KALRN: variants seen among roughly 807,000 people sequenced by gnomAD.
KALRN encodes kalirin RhoGEF kinase, also known as kalirin.
KALRN carries 70 observed loss-of-function variants against 353.7 expected under a neutral mutation model. The observed-to-expected ratio is 0.20, with a 90% CI of 0.16 to 0.24. The LOEUF (loss-of-function observed/expected upper bound fraction) is 0.24, where lower values mean the gene tolerates loss of function less well. KALRN is among the 10% of genes least tolerant of loss of function. The probability of loss-of-function intolerance (pLI) is 1.00; values close to 1 mark genes in which losing one functional copy is unlikely to be tolerated. For synonymous variants in KALRN, 1,391 were observed against 1,434.8 expected, an observed-to-expected ratio of 0.97 and a Z score of 0.69; for missense variants, 2,791 against 3,756.7, an observed-to-expected ratio of 0.74 and a Z score of 6.72.
rs2061825793 is a variant in KALRN at position 124,101,085 on chromosome 3, A to G, written c.73+67272A>G. On this transcript the variant is annotated intron_variant, in intron 1 of 59. Coordinates refer to ENST00000682506, the MANE Select transcript of KALRN (RefSeq NM_001388419.1). ...AAGGAACAAACTGTGTAAGAACGCA[A>G]TCTTTTGGATACACCTCATGCAACT... Among the ~76,000 whole-genome samples, 3 of 152,338 alleles carry G rather than the reference A, an allele frequency of 2.0e-5. No homozygotes were observed. The South Asian group carries it at 6.2e-4, about 32-fold the overall frequency.
intron 33 of KALRN, among the ~76,000 whole-genome samples, chr3:124,547,874 T>C (rs1185322585): frequency 6.6e-6 from 1 of 151,740 alleles, no homozygotes; most frequent in East Asian, 1.9e-4. Flanking sequence ...ACCATCTCCA[T>C]AGCTAAGAGC....
chr3:124,549,495 G>A (rs1160333969), intron 33 of KALRN, among the ~76,000 whole-genome samples: 2 of 151,804 alleles, frequency 1.3e-5, no homozygotes, highest in African/African-American at 4.8e-5. Context: ...CATAAAATAG[G>A]AGAAAAGTGA....
At chr3:124,421,252 T>C (rs1375785257) in intron 14 of KALRN, among the ~76,000 whole-genome samples, 3 of 152,132 alleles carry the variant, frequency 2.0e-5, no homozygotes, top group African/African-American at 7.2e-5. Context: ...ATAAGAAATA[T>C]GTAGACAATC....
intron 1 of KALRN, among the ~76,000 whole-genome samples, chr3:124,062,148 T>A (rs1186502961): frequency 6.6e-6 from 1 of 152,234 alleles, no homozygotes; most frequent in African/African-American, 2.4e-5. Context: ...TTATTTCCTT[T>A]ACTACTTCTA....
At chr3:124,607,577 A>G (rs1370449012) in intron 34 of KALRN, among the ~76,000 whole-genome samples, 2 of 152,240 alleles carry the variant, frequency 1.3e-5, no homozygotes, top group South Asian at 2.1e-4. Flanking sequence ...TTTGGAAGAC[A>G]TAGGAGAAAA....
At chr3:124,158,148 G>A (rs2069301482) in intron 1 of KALRN, among the ~76,000 whole-genome samples, 2 of 152,150 alleles carry the variant, frequency 1.3e-5, no homozygotes, top group South Asian at 2.1e-4. Flanking sequence ...TGCCTGCTTT[G>A]TGTCACCTCC....
intron 33 of KALRN, among the ~76,000 whole-genome samples, chr3:124,555,028 A>T (rs938733469): frequency 2.0e-5 from 3 of 152,150 alleles, no homozygotes; most frequent in Admixed American, 6.5e-5. Context: ...ATTTTTCAGG[A>T]AAGTGCGCAT....
At chr3:124,584,653 G>A in intron 34 of KALRN, 1 of 1,412,218 alleles carries the variant, frequency 7.1e-7, no homozygotes, top group South Asian at 1.5e-5. Flanking sequence ...GCTTCCCAAG[G>A]TGGCAGTGGC....
chr3:124,494,859 C>T (rs1221382530), intron 32 of KALRN, among the ~76,000 whole-genome samples: 2 of 152,160 alleles, frequency 1.3e-5, no homozygotes, highest in Non-Finnish European at 2.9e-5. Flanking sequence ...GTTTCCCTGT[C>T]CCCTGATGCC....
chr3:124,713,687 C>T (rs1433780452), intron 58 of KALRN, among the ~76,000 whole-genome samples: 2 of 152,186 alleles, frequency 1.3e-5, no homozygotes, highest in African/African-American at 4.8e-5. Flanking sequence ...CCTTTCTCCC[C>T]ACCACTACCC....
intron 3 of KALRN, among the ~76,000 whole-genome samples, chr3:124,256,918 T>G (rs746408457): frequency 6.6e-6 from 1 of 152,164 alleles, no homozygotes; most frequent in East Asian, 1.9e-4. Context: ...GCAGCAATAC[T>G]GGGGAGGGAA....
chr3:124,059,844 G>T lies in KALRN; in HGVS notation c.73+26031G>T, dbSNP rs2041855970. Among the ~76,000 whole-genome samples, 6 of 152,196 alleles carry T rather than the reference G, an allele frequency of 3.9e-5. No homozygotes were observed. In the South Asian group the frequency reaches 1.2e-3, roughly 32 times the overall value. The stretch of plus-strand genomic sequence containing the variant: ...TTTGCTAGTAGCTTATGCAATATCT[G>T]ACAGATGCCAAGCATTGATGTGTTT... On this transcript the variant is annotated intron_variant, in intron 1 of 59. Coordinates refer to ENST00000682506, the MANE Select transcript of KALRN (RefSeq NM_001388419.1).
chr3:124,663,957 T>G (rs2085227375), intron 45 of KALRN, among the ~76,000 whole-genome samples: 2 of 152,178 alleles, frequency 1.3e-5, no homozygotes, highest in African/African-American at 4.8e-5. Flanking sequence ...TTTCATGCTT[T>G]GCTGTGACAG....
chr3:124,052,115 C>T (rs1029799708), intron 1 of KALRN, among the ~76,000 whole-genome samples: 1 of 152,164 alleles, frequency 6.6e-6, no homozygotes, highest in African/African-American at 2.4e-5. Flanking sequence ...AGACTTTACC[C>T]TTTTGAGATC....
At chr3:124,368,449 A>G (rs1478350339) in intron 10 of KALRN, among the ~76,000 whole-genome samples, 2 of 144,474 alleles carry the variant, frequency 1.4e-5, no homozygotes, top group Non-Finnish European at 3.0e-5. Flanking sequence ...GGCGCTCCGC[A>G]CATCTCAGAC....
At chr3:124,273,468 T>A (rs2074378430) in intron 5 of KALRN, among the ~76,000 whole-genome samples, 1 of 152,180 alleles carries the variant, frequency 6.6e-6, no homozygotes, top group Non-Finnish European at 1.5e-5. Context: ...AAAAGCAGGT[T>A]TATTGAGGTA....
intron 26 of KALRN, among the ~76,000 whole-genome samples, chr3:124,475,298 C>G (rs1435178192): frequency 2.0e-5 from 3 of 152,162 alleles, no homozygotes; most frequent in Non-Finnish European, 4.4e-5. Flanking sequence ...CAATCTGACC[C>G]ACAAGATGAG....
At position 124,491,334 on chromosome 3, in the gene KALRN, G is replaced by T; in HGVS notation, c.4599G>T (p.Leu1533=). The part of the protein sequence containing the change: ...VYKNKLLTSE[L]GVTEHVEGDP... ...TTTCCTGTCTACAGACCTCAGAGCT[G>T]GGTGTGACCGAGCACGTGGAGGGCG... The change falls in exon 31 of 60, where the codon CTG becomes CTT. Residue 1533 remains leucine (L), a synonymous_variant. Transcript: ENST00000682506. The T allele has an allele frequency of 6.2e-7, 1 of 1,605,202 alleles. No individual in the cohort carries two copies. The highest frequency in any genetic ancestry group is 1.1e-5 in the South Asian group (1 of 89,500).
At chr3:124,050,884 C>T (rs2040966727) in intron 1 of KALRN, among the ~76,000 whole-genome samples, 1 of 152,132 alleles carries the variant, frequency 6.6e-6, no homozygotes, top group Admixed American at 6.5e-5. Context: ...TTTCTCTTTG[C>T]CTGCTGCTAT....
Sources: allele counts gnomAD v4.1 joint callset (sites outside exome capture counted in the v4.1 genomes callset), GRCh38; gene constraint gnomAD v4.1.1; transcripts MANE v1.5; gene names NCBI Gene and HGNC (gene_info 2026-07-23, HGNC 2026-07-21).